NFATC2: variants seen among roughly 807,000 people sequenced by gnomAD.
NFATC2 encodes the protein nuclear factor of activated T cells 2, also known as nuclear factor of activated T-cells, cytoplasmic 2.
In NFATC2, 22 loss-of-function variants were observed where a neutral mutation model predicts 87.3. That is an observed-to-expected ratio of 0.25 (90% CI 0.18 to 0.36). The LOEUF (loss-of-function observed/expected upper bound fraction) is 0.36, where lower values mean the gene tolerates loss of function less well. Among genes scored for constraint, NFATC2 ranks in the 10% least tolerant of loss-of-function variants. NFATC2 has a pLI of 1.00. For missense variants in NFATC2, 1,149 were observed against 1,259.1 expected (o/e 0.91, Z 1.32); for synonymous variants, 565 against 542.2 (o/e 1.04, Z -0.58).
chr20:51,551,702 CCAAAATTTTAAAACAAAA>C (rs2076934420), intron 1 of NFATC2, among the ~76,000 whole-genome samples: 1 of 12,870 alleles, frequency 7.8e-5, no homozygotes, highest in East Asian at 0.071. Flanking sequence ...GCATGATAAG[CCAAAATTTTAAAACAAAA>C]ATTTTGTTTT....
rs528371807 is a variant in NFATC2, at chr20:51,435,244, T to A, written c.1976A>T (p.Tyr659Phe). The A allele has an allele frequency of 1.9e-6, 3 of 1,614,178 alleles. No homozygotes were observed. Among genetic ancestry groups the A allele is most frequent in the Non-Finnish European group, 2.5e-6 (3 of 1,180,026 alleles). The change falls in exon 8 of 11, where the codon TAC becomes TTC. Residue 659 changes from tyrosine to phenylalanine, a missense_variant. Tyr to Phe is a conservative substitution (Grantham distance 22, BLOSUM62 3). Around this residue, in one of 3 missense-constraint regions of NFATC2, gnomAD observed 581 missense variants for 649.7 expected, o/e 0.89. Coordinates refer to ENST00000371564, the MANE Select transcript of NFATC2 (RefSeq NM_012340.5). ...TCGTTTTCTCTTCCCATTGATGACG[T>A]AGAAGTTCACTTTTACAGGTGTGCG... ...HIRTPVKVNFYVINGKRKRSQ... is the reference protein window; with the variant it reads ...HIRTPVKVNFFVINGKRKRSQ...
At chr20:51,496,049 C>T (rs187461582) in intron 3 of NFATC2, among the ~76,000 whole-genome samples, 11 of 152,232 alleles carry the variant, frequency 7.2e-5, no homozygotes, top group Admixed American at 6.5e-4. Context: ...GGTTCCAAAC[C>T]CCCACCCAGG....
intron 10 of NFATC2, among the ~76,000 whole-genome samples, chr20:51,392,742 T>C (rs1986509806): frequency 6.6e-6 from 1 of 152,176 alleles, no homozygotes; most frequent in Non-Finnish European, 1.5e-5. Flanking sequence ...TAAGTTACAT[T>C]GGCAGTGAGG....
chr20:51,531,808 ATAGT>A (rs1487824113), intron 1 of NFATC2, among the ~76,000 whole-genome samples: 5 of 152,336 alleles, frequency 3.3e-5, no homozygotes, highest in African/African-American at 1.2e-4. Flanking sequence ...TTTCCCTGCT[ATAGT>A]TAGTCTATTT....
intron 9 of NFATC2, among the ~76,000 whole-genome samples, chr20:51,430,995 C>T (rs1275037486): frequency 2.0e-5 from 3 of 152,110 alleles, no homozygotes; most frequent in South Asian, 2.1e-4. Flanking sequence ...AAACTCCAGT[C>T]GCTTAACTGT....
chr20:51,466,069 T>C lies in NFATC2; in HGVS notation c.1708+7911A>G, dbSNP rs146781891. Among the ~76,000 whole-genome samples, 790 of 152,264 alleles carry C rather than the reference T, an allele frequency of 5.2e-3. 6 individuals carry two copies. Among genetic ancestry groups the C allele is most frequent in the African/African-American group, 0.018 (737 of 41,558 alleles). The stretch of plus-strand genomic sequence containing the variant: ...GGCCTCCCTAATTCTTTTGTTTGTT[T>C]TGAGATGGAGTCTCACTCTGTCGCC... On this transcript the variant is annotated intron_variant, in intron 5 of 10. Transcript: ENST00000371564.
In NFATC2 at chr20:51,416,892, C is replaced by T. The variant is rs565953116; in HGVS notation, c.2722+15175G>A. 2.0e-5 allele frequency among the ~76,000 whole-genome samples: 3 copies of T among 152,220 alleles called. No individual in the cohort carries two copies. The South Asian group carries it at 6.2e-4, about 32-fold the overall frequency. On this transcript the variant is annotated intron_variant, in intron 9 of 10. Coordinates refer to ENST00000371564, the MANE Select transcript of NFATC2 (RefSeq NM_012340.5). ...GGGCAGTAGCAAGAATTCACTTTAG[C>T]GCTGGTTGAATGTGAGGTTCCTGCA...
chr20:51,474,873 A>G (rs1988564183), intron 4 of NFATC2, among the ~76,000 whole-genome samples: 1 of 152,196 alleles, frequency 6.6e-6, no homozygotes, highest in South Asian at 2.1e-4. Context: ...TTTTTTAAAT[A>G]TAAGTAAATT....
At chr20:51,400,543 T>G (rs1355460967) in intron 9 of NFATC2, among the ~76,000 whole-genome samples, 1 of 152,096 alleles carries the variant, frequency 6.6e-6, no homozygotes, top group African/African-American at 2.4e-5. Flanking sequence ...CTCAGAGAAA[T>G]AGAAAGCATC....
intron 3 of NFATC2, among the ~76,000 whole-genome samples, chr20:51,491,918 A>ACACC (rs1274279772): frequency 1.1e-5 from 1 of 90,012 alleles, no homozygotes; most frequent in African/African-American, 5.1e-5. Context: ...ACACACACAC[A>ACACC]CCCCTTGCCC....
intron 3 of NFATC2, among the ~76,000 whole-genome samples, chr20:51,481,628 G>A (rs1173859745): frequency 6.6e-6 from 1 of 152,058 alleles, no homozygotes; most frequent in African/African-American, 2.4e-5. Flanking sequence ...CGGGGGTGGG[G>A]GCCCAGGCTG....
chr20:51,526,384 C>T (rs6067809), intron 1 of NFATC2, among the ~76,000 whole-genome samples: 53,934 of 151,912 alleles, frequency 0.36, 10,712 homozygotes, highest in South Asian at 0.46. Flanking sequence ...AGTCTGGGAA[C>T]CGAATGGCCC....
At position 51,505,087 on chromosome 20, in the gene NFATC2, C is replaced by A. The variant is rs573425691; in HGVS notation, c.1332+11697G>T. 4.8e-5 allele frequency among the ~76,000 whole-genome samples: 6 copies of A among 125,312 alleles called. No homozygotes were observed. In the East Asian group the frequency reaches 1.1e-3, roughly 24 times the overall value. 82.2% of individuals were successfully genotyped at this position (125,312 alleles called of 152,430 possible). Reference sequence around the variant, plus strand: ...GGAGTGCAGTGGTGCGGTCTCAGCTCACTGCAAGCTCCACCTCCCGGGTTC... The same window carrying A: ...GGAGTGCAGTGGTGCGGTCTCAGCTAACTGCAAGCTCCACCTCCCGGGTTC... On this transcript the variant is annotated intron_variant, in intron 3 of 10. Transcript: ENST00000371564.
intron 6 of NFATC2, among the ~76,000 whole-genome samples, chr20:51,446,492 A>G (rs138741300): frequency 1.4e-4 from 21 of 152,318 alleles, no homozygotes; most frequent in South Asian, 6.2e-4. Context: ...TTCAAAATCC[A>G]GCCTTTGAAG....
At chr20:51,516,185 A>T (rs1386571261) in intron 3 of NFATC2, among the ~76,000 whole-genome samples, 1 of 152,162 alleles carries the variant, frequency 6.6e-6, no homozygotes, top group African/African-American at 2.4e-5. Context: ...CAAAAAAGCT[A>T]CTGATTAAGA....
At chr20:51,514,922 G>A (rs948105468) in intron 3 of NFATC2, among the ~76,000 whole-genome samples, 9 of 152,132 alleles carry the variant, frequency 5.9e-5, no homozygotes, top group Admixed American at 3.3e-4. Context: ...AGGATTGGAC[G>A]GCAGGAATCA....
At chr20:51,534,534 C>T (rs1451313904) in intron 1 of NFATC2, among the ~76,000 whole-genome samples, 2 of 152,300 alleles carry the variant, frequency 1.3e-5, no homozygotes, top group Non-Finnish European at 2.9e-5. Context: ...AGGATTTCAC[C>T]ATGTTGCCCA....
At chr20:51,396,304 G>T (rs1987134128) in intron 10 of NFATC2, among the ~76,000 whole-genome samples, 1 of 151,884 alleles carries the variant, frequency 6.6e-6, no homozygotes, top group South Asian at 2.1e-4. Flanking sequence ...GAGCTCAGAG[G>T]TTCCCAAACT....
At chr20:51,396,095 A>ATATATAT (rs1987093276) in intron 10 of NFATC2, among the ~76,000 whole-genome samples, 2 of 115,564 alleles carry the variant, frequency 1.7e-5, no homozygotes, top group African/African-American at 3.2e-5. Context: ...TATATATATA[A>ATATATAT]GCTAATGGCA....
Sources: gnomAD v4.1 joint callset for allele counts (sites outside exome capture counted in the v4.1 genomes callset) on GRCh38, gnomAD v4.1.1 for gene constraint, gnomAD v4.1.1 regional missense constraint, MANE v1.5 for transcripts, NCBI Gene and HGNC (gene_info 2026-07-23, HGNC 2026-07-21) for gene names.